The following MTFR1 variants were observed in gnomAD, a reference collection of about 807,000 sequenced individuals.
The protein encoded by MTFR1 is chondrocyte protein with a poly-proline region.
Under a neutral mutation model 38.8 loss-of-function variants are expected in MTFR1, and 28 were observed. The observed-to-expected ratio is 0.72, with a 90% CI of 0.53 to 0.99. The LOEUF (loss-of-function observed/expected upper bound fraction) is 0.99. Ranked by LOEUF, MTFR1 falls within the 50% of genes least tolerant of loss-of-function variation. The pLI, the probability that MTFR1 is intolerant of heterozygous loss-of-function variation, is 0.00. For missense variants in MTFR1, 358 were observed against 395.5 expected, an observed-to-expected ratio of 0.91 and a Z score of 0.81; for synonymous variants, 145 against 137.0, an observed-to-expected ratio of 1.06 and a Z score of -0.41.
Position 65,704,675 on chromosome 8 carries a change from C to T in MTFR1, c.282-19C>T. On this transcript the variant is annotated intron_variant, in intron 4 of 7. Transcript: ENST00000262146. ...CTCTTACAAAGCCTGTGACAGCCCA[C>T]CTTATGTCTTCCTTGCAGGACAGAG... 1.9e-6 allele frequency: 3 copies of T among 1,609,058 alleles called. No individual in the cohort carries two copies. Among genetic ancestry groups the T allele is most frequent in the African/African-American group, 1.3e-5 (1 of 74,906 alleles).
At chr8:65,761,595 T>C (rs1808498240) in intron 3 of MTFR1, among the ~76,000 whole-genome samples, 1 of 152,204 alleles carries the variant, frequency 6.6e-6, no homozygotes, top group Admixed American at 6.5e-5. Flanking sequence ...AAAGAGCAGT[T>C]GGCTTTGCTG....
chr8:65,682,043 G>C (rs1804910404), intron 2 of MTFR1: 1 of 160,820 alleles, frequency 6.2e-6, no homozygotes, highest in African/African-American at 2.4e-5. Flanking sequence ...TTCTGTTGCA[G>C]AATAGTATGA....
In MTFR1 at chr8:65,709,799, TAAG is replaced by T. The variant is rs1297423824; in HGVS notation, c.*759_*761del. On this transcript the variant is annotated 3_prime_UTR_variant, in exon 8 of 8. Coordinates refer to ENST00000262146, the MANE Select transcript of MTFR1 (RefSeq NM_014637.4). ...CAAATTATTGAATTAAATTTCTTCT[TAAG>T]AAGTAAAAACTCAGAATGTACCATC... The T allele has an allele frequency of 1.3e-5, 2 of 152,678 alleles. No homozygotes were observed. Among genetic ancestry groups the T allele is most frequent in the East Asian group, 1.9e-4 (1 of 5,204 alleles). 9.5% of individuals were successfully genotyped at this position (152,678 alleles called of 1,614,324 possible).
rs369891429 is a variant in MTFR1 at position 65,709,060 on chromosome 8, G to A, written c.*16G>A. 48 of 1,612,878 alleles carry A rather than the reference G, an allele frequency of 3.0e-5. No homozygotes were observed. The highest frequency in any genetic ancestry group is 4.0e-5 in the African/African-American group (3 of 75,010). ...AGACTCCTAATAGACAATGAGCTGC[G>A]AAAAGACTCCTGGTTCCCCTGTTGA... On this transcript the variant is annotated 3_prime_UTR_variant, in exon 8 of 8. Coordinates refer to ENST00000262146, the MANE Select transcript of MTFR1 (RefSeq NM_014637.4).
At chr8:65,740,594 G>A (rs975063794) in intron 3 of MTFR1, among the ~76,000 whole-genome samples, 2 of 152,062 alleles carry the variant, frequency 1.3e-5, no homozygotes, top group Admixed American at 6.6e-5. Context: ...TAGAGACAGG[G>A]TTTCACTTTG....
At chr8:65,696,265 C>G (rs7003577) in intron 4 of MTFR1, among the ~76,000 whole-genome samples, 10,764 of 152,206 alleles carry the variant, frequency 0.071, 1,311 homozygotes, top group African/African-American at 0.24. Context: ...TAGATAAACA[C>G]AGGGATTGCA....
downstream of MTFR1, among the ~76,000 whole-genome samples, chr8:65,715,182 A>T (rs1484827194): frequency 6.6e-6 from 1 of 152,274 alleles, no homozygotes; most frequent in East Asian, 1.9e-4. Flanking sequence ...TCTTTTAAAT[A>T]TTTAACTGTT....
downstream of MTFR1, among the ~76,000 whole-genome samples, chr8:65,714,006 A>G (rs1303025130): frequency 6.6e-6 from 1 of 151,944 alleles, no homozygotes; most frequent in Admixed American, 6.6e-5. Flanking sequence ...TAAAAATACA[A>G]GAATTACTAG....
intron 2 of MTFR1, chr8:65,719,357 C>A: frequency 6.2e-7 from 1 of 1,614,150 alleles, no homozygotes; most frequent in Non-Finnish European, 8.5e-7. Flanking sequence ...AGTGTCCTCA[C>A]TGCTCGACTG....
At chr8:65,750,078 T>A (rs1254598740) in intron 3 of MTFR1, among the ~76,000 whole-genome samples, 1 of 152,196 alleles carries the variant, frequency 6.6e-6, no homozygotes, top group African/African-American at 2.4e-5. Flanking sequence ...AGCACCACCA[T>A]CTCTGTATTT....
intron 3 of MTFR1, among the ~76,000 whole-genome samples, chr8:65,755,645 A>G (rs1808197172): frequency 6.6e-6 from 1 of 152,258 alleles, no homozygotes. Flanking sequence ...TATAAGTAAA[A>G]GAGGTGTTAT....
At chr8:65,765,488 C>CAAAAAAAAAAAAAAAAAAAAAAAAAA (rs11342419) in intron 3 of MTFR1, 1 of 44,586 alleles carries the variant, frequency 2.2e-5, no homozygotes, top group Non-Finnish European at 3.8e-5. Flanking sequence ...GACTCCGTCT[C>CAAAAAAAAAAAAAAAAAAAAAAAAAA]AAAAAAAAAA....
intron 4 of MTFR1, among the ~76,000 whole-genome samples, chr8:65,696,796 G>A (rs1805455747): frequency 6.6e-6 from 1 of 151,602 alleles, no homozygotes; most frequent in Non-Finnish European, 1.5e-5. Flanking sequence ...AAGTAGCTGG[G>A]GTTACAGGTA....
intron 2 of MTFR1, chr8:65,717,584 A>G (rs1293711636): frequency 6.6e-6 from 1 of 152,236 alleles, no homozygotes; most frequent in Admixed American, 6.5e-5. Flanking sequence ...CATCTGAGGG[A>G]TGAATTACAA....
At chr8:65,651,348 T>G (rs80237631) in intron 1 of MTFR1, among the ~76,000 whole-genome samples, 2,477 of 152,348 alleles carry the variant, frequency 0.016, 77 homozygotes, top group African/African-American at 0.055. Context: ...ATACCCCATG[T>G]GGGGTGCTAT....
intron 3 of MTFR1, among the ~76,000 whole-genome samples, chr8:65,728,792 A>C (rs1806714413): frequency 6.6e-6 from 1 of 152,224 alleles, no homozygotes; most frequent in Non-Finnish European, 1.5e-5. Context: ...GGAGAATACA[A>C]TAATCCAAAA....
chr8:65,679,795 C>T (rs1804822409), intron 2 of MTFR1: 2 of 152,126 alleles, frequency 1.3e-5, no homozygotes, highest in South Asian at 2.1e-4. Context: ...TTAGTCCTCA[C>T]GTTATTAAGA....
In MTFR1 at chr8:65,757,464, C is replaced by T. The variant is rs565545277; in HGVS notation, c.*49-13483C>T. Among the ~76,000 whole-genome samples the T allele has an allele frequency of 2.0e-5, 3 of 152,256 alleles. No individual in the cohort carries two copies. In the South Asian group the frequency reaches 6.2e-4, roughly 32 times the overall value. On this transcript the variant is annotated intron_variant, in intron 3 of 3. Coordinates refer to the MTFR1 transcript ENST00000521247. ...ATGACTGTCTCCCAGGGTGAGGCTA[C>T]TCAGGTTTGTAGGGTTTTTTTAGAT...
At chr8:65,693,098 GT>G (rs1171938426) in intron 3 of MTFR1, among the ~76,000 whole-genome samples, 1 of 151,916 alleles carries the variant, frequency 6.6e-6, no homozygotes, top group Admixed American at 6.6e-5. Flanking sequence ...TTCTAGGATA[GT>G]TTTTTAAAAA....
Sources: gnomAD v4.1 joint callset for allele counts (sites outside exome capture counted in the v4.1 genomes callset) on GRCh38, gnomAD v4.1.1 for gene constraint, MANE v1.5 for transcripts, NCBI Gene and HGNC (gene_info 2026-07-23, HGNC 2026-07-21) for gene names.